Variants in DUSP11 observed in about 807,000 individuals in gnomAD.
DUSP11 encodes the protein RNA/RNP complex-1-interacting phosphatase.
DUSP11 carries 27 observed loss-of-function variants against 41.4 expected under a neutral mutation model. The ratio of observed to expected loss-of-function variants is 0.65; its 90% confidence interval spans 0.48 to 0.90. The LOEUF (loss-of-function observed/expected upper bound fraction) is 0.90, where lower values mean the gene tolerates loss of function less well. Among genes scored for constraint, DUSP11 ranks in the 40% least tolerant of loss-of-function variants. The probability of loss-of-function intolerance (pLI) is 0.00; values close to 1 mark genes in which losing one functional copy is unlikely to be tolerated. For synonymous variants in DUSP11, 188 were observed against 159.3 expected, an observed-to-expected ratio of 1.18 and a Z score of -1.35; for missense variants, 465 against 461.1, an observed-to-expected ratio of 1.01 and a Z score of -0.08.
chr2:73,776,246 C>T (rs1672683689), intron 2 of DUSP11, among the ~76,000 whole-genome samples: 2 of 151,896 alleles, frequency 1.3e-5, no homozygotes, highest in South Asian at 4.2e-4. Flanking sequence ...AACCCCATCT[C>T]TACTAAAAAC....
chr2:73,769,089 TAG>T, intron 5 of DUSP11, 174 bp downstream of exon 5: 1 of 547,158 alleles, frequency 1.8e-6, no homozygotes, highest in Non-Finnish European at 3.2e-6. Flanking sequence ...TCTGCATTTT[TAG>T]AGTCTGAAAA....
chr2:73,775,156 C>G (rs1047059618), intron 2 of DUSP11, 112 bp from the exon 3 acceptor site: 12 of 941,838 alleles, frequency 1.3e-5, no homozygotes, highest in Admixed American at 2.8e-5. Flanking sequence ...AGGAAAGTTT[C>G]CATTCTCCTG....
In DUSP11 at chr2:73,766,477, C is replaced by A. The variant is rs1245229974; in HGVS notation, c.876G>T (p.Gln292His). The A allele has an allele frequency of 9.9e-6, 16 of 1,613,940 alleles. No homozygotes were observed. The African/African-American group carries it at 1.2e-4, about 12-fold the overall frequency. The stretch of plus-strand genomic sequence containing the variant: ...GGAAATGTCGAGGAGCTGAGTGACC[C>A]TGGATCTGATGTAGATTATACCTAG... Residue 292 changes from glutamine to histidine, a missense_variant, in exon 8 of 9, where the codon CAG (glutamine) becomes CAT (histidine). Gln to His is a conservative substitution (Grantham distance 24, BLOSUM62 0). Transcript: ENST00000272444.
intron 4 of DUSP11, among the ~76,000 whole-genome samples, chr2:73,770,123 G>A (rs1381606212): frequency 1.3e-5 from 2 of 148,542 alleles, no homozygotes; most frequent in East Asian, 4.0e-4. Flanking sequence ...GCGAAACCAC[G>A]TCTCTACTAA....
intron 2 of DUSP11, among the ~76,000 whole-genome samples, chr2:73,776,137 G>C (rs1344211103): frequency 6.6e-6 from 1 of 151,952 alleles, no homozygotes; most frequent in Non-Finnish European, 1.5e-5. Flanking sequence ...TAGTTTGGCT[G>C]GGTGCGGTGG....
chr2:73,778,361 G>T, exon 2 of DUSP11: 1 of 1,544,754 alleles, frequency 6.5e-7, no homozygotes, highest in Non-Finnish European at 8.7e-7. Context: ...GTCCAACTGG[G>T]AGATAGTCTT....
At chr2:73,766,363 A>G in intron 8 of DUSP11, 55 bp downstream of exon 8, 1 of 1,452,498 alleles carries the variant, frequency 6.9e-7, no homozygotes, top group African/African-American at 1.4e-5. Flanking sequence ...GTTTTCATTA[A>G]CTATAGTATT....
At chr2:73,765,003 G>C (rs1018893493) in intron 8 of DUSP11, among the ~76,000 whole-genome samples, 8 of 152,172 alleles carry the variant, frequency 5.3e-5, no homozygotes, top group African/African-American at 1.9e-4. Context: ...TAAATTAATA[G>C]GCAAGAATAA....
chr2:73,772,418 TACTGCAAG>T (rs1188692941), intron 4 of DUSP11, among the ~76,000 whole-genome samples: 1 of 152,152 alleles, frequency 6.6e-6, no homozygotes, highest in African/African-American at 2.4e-5. Flanking sequence ...TGGCAGTGAG[TACTGCAAG>T]ACTTAGACAG....
At chr2:73,773,841 T>C (rs1435268125) in exon 4 of DUSP11, 2 of 1,608,138 alleles carry the variant, frequency 1.2e-6, no homozygotes, top group African/African-American at 1.3e-5. Flanking sequence ...AACAGCGTGT[T>C]TGAATTTAAA....
chr2:73,778,691 T>A (rs1672731242), intron 1 of DUSP11, among the ~76,000 whole-genome samples: 1 of 152,204 alleles, frequency 6.6e-6, no homozygotes, highest in Admixed American at 6.5e-5. Context: ...TAAAGTGCCA[T>A]TAATACAAAC....
At chr2:73,779,826 A>G (rs780433976) in intron 1 of DUSP11, 48 bp downstream of exon 1, 1 of 1,608,766 alleles carries the variant, frequency 6.2e-7, no homozygotes, top group African/African-American at 1.3e-5. Flanking sequence ...GCCCAGACCC[A>G]GAAGCCACGA....
intron 4 of DUSP11, among the ~76,000 whole-genome samples, chr2:73,770,597 A>G (rs78842282): frequency 1.0e-3 from 158 of 152,180 alleles, no homozygotes; most frequent in African/African-American, 3.7e-3. Context: ...CCCTACTTCT[A>G]TCTCAACTGA....
At chr2:73,779,060 A>AG (rs1489261875) in intron 1 of DUSP11, among the ~76,000 whole-genome samples, 3 of 152,190 alleles carry the variant, frequency 2.0e-5, no homozygotes, top group Non-Finnish European at 4.4e-5. Flanking sequence ...CTGAGGGAGG[A>AG]GAATCGCTTG....
chr2:73,766,324 CGAA>C (rs1672460559), intron 8 of DUSP11, 91 bp downstream of exon 8: 7 of 977,344 alleles, frequency 7.2e-6, no homozygotes, highest in Non-Finnish European at 1.0e-5. Context: ...AAAAAAAAAA[CGAA>C]GAATTCCTCA....
chr2:73,766,945 C>A (rs1459128501), intron 6 of DUSP11, 42 bp from the exon 7 acceptor site: 3 of 1,557,210 alleles, frequency 1.9e-6, no homozygotes, highest in Non-Finnish European at 2.6e-6. Context: ...GTACAAAAAG[C>A]AGATCTTTCC....
In DUSP11 at chr2:73,762,667, G is replaced by A. The variant is rs748259649; in HGVS notation, c.1128C>T (p.Thr376=). ...ATTCCAGGACAGGTTTGTATCACTG[G>A]GTCCATTCCCAACAGGCTGGATAGG... The change falls in exon 9 of 9, where the codon ACC becomes ACT. Residue 376 remains threonine (T), a synonymous_variant. Coordinates refer to ENST00000272444, the Ensembl canonical transcript of DUSP11. 6 of 1,610,514 alleles carry A rather than the reference G, an allele frequency of 3.7e-6. No homozygotes were observed. The African/African-American group carries it at 8.0e-5, about 22-fold the overall frequency.
At chr2:73,762,827 C>A (rs1262151828) in exon 9 of DUSP11, 1 of 1,603,322 alleles carries the variant, frequency 6.2e-7, no homozygotes. Context: ...GAGATGGTGT[C>A]TCTGGTAAAC....
chr2:73,775,331 GAGTGCTTATCATATTT>G, intron 2 of DUSP11, among the ~76,000 whole-genome samples: 1 of 151,454 alleles, frequency 6.6e-6, no homozygotes, highest in Admixed American at 6.6e-5. Flanking sequence ...GCTCCAGGTG[GAGTGCTTATCATATTT>G]AGTGCTTATA....
Sources: allele counts gnomAD v4.1 joint callset (sites outside exome capture counted in the v4.1 genomes callset), GRCh38; gene constraint gnomAD v4.1.1; transcripts MANE v1.5; gene names NCBI Gene and HGNC (gene_info 2026-07-23, HGNC 2026-07-21).